The following NKX1-1 variants were observed in gnomAD, a reference collection of about 807,000 sequenced individuals.
The protein encoded by NKX1-1 is NK1 homeobox 1, also known as NK1 transcription factor-related protein 1.
In NKX1-1, 7 loss-of-function variants were observed where a neutral mutation model predicts 1.7. The ratio of observed to expected loss-of-function variants is 4.22; its 90% CI spans 2.40 to 7.92. NKX1-1 has a LOEUF of 7.92. Among genes scored for constraint, NKX1-1 ranks in the 30% most tolerant of loss-of-function variants. NKX1-1 has a pLI of 0.00. For missense variants in NKX1-1, 453 were observed against 171.5 expected, an observed-to-expected ratio of 2.64 and a Z score of -9.17; for synonymous variants, 242 against 85.3, an observed-to-expected ratio of 2.84 and a Z score of -10.13.
chr4:1,406,426 G>A lies in NKX1-1; in HGVS notation c.17C>T (p.Pro6Leu), dbSNP rs1398551313. 17 of 342,396 alleles carry A rather than the reference G, an allele frequency of 5.0e-5. No homozygotes were observed. The highest frequency in any genetic ancestry group is 7.9e-5 in the Non-Finnish European group (15 of 190,340). The allele number at this position is 342,396 out of a possible 1,614,324, so 21.2% of individuals were successfully genotyped here. ...CGCGGGAATGTCCCCAGGAGCCTCGGGGCCGCTAGCGCTCATGCCGGCCTC... is the reference window on the plus strand; with the variant it reads ...CGCGGGAATGTCCCCAGGAGCCTCGAGGCCGCTAGCGCTCATGCCGGCCTC... MSASG[P>L]EAPGDIPALP... The change falls in exon 1 of 2, where the codon CCC becomes CTC. Residue 6 changes from proline to leucine, a missense_variant. Coordinates refer to ENST00000422806, the MANE Select transcript of NKX1-1 (RefSeq NM_001290079.1).
At position 1,403,010 on chromosome 4, in the gene NKX1-1, C is replaced by T. The variant is rs983293000; in HGVS notation, c.1269G>A (p.Ser423=). ...CGAAGGGCGAGAGCACCGCCGGGCT[C>T]GACAGGAACGGCAGCTGCGCGGCGC... is the stretch of plus-strand genomic sequence containing the variant. ...LVCAAQLPFL[S]SPAVLSPFVL... is the part of the protein sequence containing the mutation. Residue 423 remains serine, a synonymous_variant, in exon 2 of 2, where the codon TCG becomes TCA. Coordinates refer to ENST00000422806, the MANE Select transcript of NKX1-1 (RefSeq NM_001290079.1). 1.3e-5 allele frequency: 8 copies of T among 635,174 alleles called. No individual in the cohort carries two copies. The African/African-American group carries it at 1.5e-4, about 12-fold the overall frequency. 39.3% of individuals were successfully genotyped at this position (635,174 alleles called of 1,614,324 possible). A position where few individuals can be genotyped will look rare whatever the true frequency, so the allele number is the denominator to read the frequency against.
chr4:1,403,714 C>A lies in NKX1-1; in HGVS notation c.565G>T (p.Glu189Ter). ...GHSPSADSGD[E>*]VPDDEDDDED... ...TCGTCGTCCTCGTCGTCGGGAACCT[C>A]GTCCCCGCTGTCCGCGCTCGGGCTG... The change falls in exon 2 of 2, where the codon GAG becomes TAG. Residue 189 changes from glutamate to a stop codon, truncating the protein, a stop_gained. Coordinates refer to ENST00000422806, the MANE Select transcript of NKX1-1 (RefSeq NM_001290079.1). LOFTEE classifies it low-confidence loss of function (END_TRUNC). The A allele has an allele frequency of 4.4e-6, 3 of 689,210 alleles. No homozygotes were observed. The highest frequency in any genetic ancestry group is 7.8e-6 in the Non-Finnish European group (3 of 382,504). 42.7% of individuals were successfully genotyped at this position (689,210 alleles called of 1,614,324 possible).
Position 1,406,295 on chromosome 4 carries a change from C to A in NKX1-1, c.148G>T (p.Ala50Ser). The A allele has an allele frequency of 2.5e-6, 1 of 404,802 alleles. No individual in the cohort carries two copies. The highest frequency in any genetic ancestry group is 4.3e-6 in the Non-Finnish European group (1 of 231,992). 25.1% of individuals were successfully genotyped at this position (404,802 alleles called of 1,614,324 possible). A position where few individuals can be genotyped will look rare whatever the true frequency, so the allele number is the denominator to read the frequency against. The change falls in exon 1 of 2, where the codon GCT becomes TCT. Residue 50 changes from alanine (A) to serine (S), a missense_variant. Transcript: ENST00000422806. ...GRAELPAFPR[A>S]GAPPLAASDT... ...CTGGCCGCGAGCGGCGGGGCTCCAGCGCGGGGAAAGGCCGGCAGCTCGGCG... is the reference window on the plus strand; with the variant it reads ...CTGGCCGCGAGCGGCGGGGCTCCAGAGCGGGGAAAGGCCGGCAGCTCGGCG...
In NKX1-1 at chr4:1,406,138, A is replaced by G; in HGVS notation, c.305T>C (p.Leu102Pro). The change falls in exon 1 of 2, where the codon CTG (leucine) becomes CCG (proline). Residue 102 changes from leucine to proline, a missense_variant. Leu to Pro is a moderately conservative substitution (Grantham distance 98). Transcript: ENST00000422806. ...CGCAGCGGGAGCCACTGGGCCCAGC[A>G]GCACGCAACGACGCCTCCTGCTGTT... ...KFNSRRRRCV[L>P]LGPVAPAACA... 1.6e-6 allele frequency: 1 copy of G among 618,866 alleles called. No individual in the cohort carries two copies. Among genetic ancestry groups the G allele is most frequent in the Non-Finnish European group, 2.9e-6 (1 of 344,786 alleles). 38.3% of individuals were successfully genotyped at this position (618,866 alleles called of 1,614,324 possible).
At chr4:1,405,191 C>G (rs760886147) in intron 1 of NKX1-1, among the ~76,000 whole-genome samples, 1 of 152,188 alleles carries the variant, frequency 6.6e-6, no homozygotes, top group Non-Finnish European at 1.5e-5. Flanking sequence ...CGGCCCAGCC[C>G]GGTCCGCCCC....
At chr4:1,404,671 C>A (rs1720720596) in intron 1 of NKX1-1, among the ~76,000 whole-genome samples, 1 of 152,270 alleles carries the variant, frequency 6.6e-6, no homozygotes, top group African/African-American at 2.4e-5. Flanking sequence ...CTCTCCCAGG[C>A]AGGGTCGCCT....
chr4:1,403,805 G>T lies in NKX1-1; in HGVS notation c.474C>A (p.Asp158Glu). Residue 158 changes from aspartate to glutamate, a missense_variant, in exon 2 of 2, where the codon GAC becomes GAA. Asp to Glu is a conservative substitution (Grantham distance 45). Transcript: ENST00000422806. ...TCTCGGCCTCCCCTGCCTTGAAGGG[G>T]TCGCCGGCGTCTGCGGGAGGGAGGG... ...AAGAEPPNAG[D>E]PFKAGEAETN... 1.5e-6 allele frequency: 1 copy of T among 672,454 alleles called. No homozygotes were observed. The highest frequency in any genetic ancestry group is 1.5e-5 in the South Asian group (1 of 65,416). 41.7% of individuals were successfully genotyped at this position (672,454 alleles called of 1,614,324 possible). A position where few individuals can be genotyped will look rare whatever the true frequency, so the allele number is the denominator to read the frequency against.
rs1372597199 is a variant in NKX1-1, at chr4:1,403,502, T to C, written c.777A>G (p.Pro259=). ...PRENSPVAQG[P]PGGAAAPGGA... ...CCCCCGGCGCCGCTGCACCTCCCGG[T>C]GGGCCCTGGGCAACGGGCGAGTTCT... Residue 259 remains proline (P), a synonymous_variant, in exon 2 of 2, where the codon CCA becomes CCG. Transcript: ENST00000422806. 5 of 509,076 alleles carry C rather than the reference T, an allele frequency of 9.8e-6. No individual in the cohort carries two copies. The highest frequency in any genetic ancestry group is 1.7e-5 in the Non-Finnish European group (5 of 291,646). The allele number at this position is 509,076 out of a possible 1,614,324, so 31.5% of individuals were successfully genotyped here.
chr4:1,403,015 G>T lies in NKX1-1; in HGVS notation c.1264C>A (p.Leu422Met). ...GGCGAGAGCACCGCCGGGCTCGACA[G>T]GAACGGCAGCTGCGCGGCGCACACC... ...GLVCAAQLPF[L>M]SSPAVLSPFV... The change falls in exon 2 of 2, where the codon CTG becomes ATG. Residue 422 changes from leucine to methionine, a missense_variant. Transcript: ENST00000422806. 1 of 632,962 alleles carries T rather than the reference G, an allele frequency of 1.6e-6. No individual in the cohort carries two copies. The highest frequency in any genetic ancestry group is 2.8e-6 in the Non-Finnish European group (1 of 355,798). 39.2% of individuals were successfully genotyped at this position (632,962 alleles called of 1,614,324 possible).
Position 1,406,403 on chromosome 4 carries a change from C to T in NKX1-1, c.40G>A (p.Ala14Thr), listed in dbSNP as rs1294235353. ...CCTGGCTGGGGAGGCGGCGGTAGCG[C>T]GGGAATGTCCCCAGGAGCCTCGGGG... is the stretch of plus-strand genomic sequence containing the variant. ...SGPEAPGDIPALPPPPQPGSG... is the reference protein window; with the variant it reads ...SGPEAPGDIPTLPPPPQPGSG... The change falls in exon 1 of 2, where the codon GCG becomes ACG. Residue 14 changes from alanine to threonine, a missense_variant. Coordinates refer to ENST00000422806, the MANE Select transcript of NKX1-1 (RefSeq NM_001290079.1). 8.5e-6 allele frequency: 3 copies of T among 351,088 alleles called. No individual in the cohort carries two copies. The highest frequency in any genetic ancestry group is 4.3e-5 in the East Asian group (1 of 23,344). The allele number at this position is 351,088 out of a possible 1,614,324, so 21.7% of individuals were successfully genotyped here. A position where few individuals can be genotyped will look rare whatever the true frequency, so the allele number is the denominator to read the frequency against.
Position 1,403,917 on chromosome 4 carries a change from C to T in NKX1-1, c.464-102G>A, listed in dbSNP as rs188035909. 1.6e-3 allele frequency: 797 copies of T among 499,710 alleles called. 17 individuals carry two copies. The highest frequency in any genetic ancestry group is 0.015 in the South Asian group (520 of 35,394). The allele number at this position is 499,710 out of a possible 1,614,324, so 31.0% of individuals were successfully genotyped here. ...CGCTTCCTCCCCCAGGGTTCCCTCC[C>T]GCCCCCTGCTCAGCGCCTCCTGCTT... On this transcript the variant is annotated intron_variant, in intron 1 of 1. Coordinates refer to ENST00000422806, the MANE Select transcript of NKX1-1 (RefSeq NM_001290079.1).
chr4:1,406,140 C>T lies in NKX1-1; in HGVS notation c.303G>A (p.Val101=), dbSNP rs1041086375. 42 of 618,866 alleles carry T rather than the reference C, an allele frequency of 6.8e-5. No homozygotes were observed. Among genetic ancestry groups the T allele is most frequent in the Admixed American group, 1.3e-4 (5 of 38,080 alleles). 38.3% of individuals were successfully genotyped at this position (618,866 alleles called of 1,614,324 possible). A position where few individuals can be genotyped will look rare whatever the true frequency, so the allele number is the denominator to read the frequency against. ...NKFNSRRRRC[V]LLGPVAPAAC... is the part of the protein sequence containing the mutation. Reference sequence around the variant, plus strand: ...CAGCGGGAGCCACTGGGCCCAGCAGCACGCAACGACGCCTCCTGCTGTTGA... The same window carrying T: ...CAGCGGGAGCCACTGGGCCCAGCAGTACGCAACGACGCCTCCTGCTGTTGA... The change falls in exon 1 of 2, where the codon GTG becomes GTA. Residue 101 remains valine (V), a synonymous_variant. Transcript: ENST00000422806.
intron 1 of NKX1-1, 112 bp downstream of exon 1, chr4:1,405,868 G>C: frequency 5.0e-6 from 2 of 396,188 alleles, no homozygotes; most frequent in Non-Finnish European, 8.9e-6. Context: ...AACTTTCCAC[G>C]GAGCCTCGGC....
chr4:1,403,897 C>T, intron 1 of NKX1-1, 82 bp from the exon 2 acceptor site: 1 of 522,866 alleles, frequency 1.9e-6, no homozygotes, highest in Non-Finnish European at 3.4e-6. Context: ...CGCCCCGCTT[C>T]CTCCCCCAGG....
intron 1 of NKX1-1, among the ~76,000 whole-genome samples, chr4:1,405,446 G>C (rs766942821): frequency 1.3e-4 from 20 of 152,368 alleles, no homozygotes; most frequent in South Asian, 2.1e-4. Context: ...GACCGGGGGC[G>C]CGGGCCGCCC....
At chr4:1,404,747 G>T (rs1278434983) in intron 1 of NKX1-1, among the ~76,000 whole-genome samples, 2 of 152,248 alleles carry the variant, frequency 1.3e-5, no homozygotes, top group Non-Finnish European at 2.9e-5. Flanking sequence ...GAGCTGCCCA[G>T]CGGCAGCCGC....
At position 1,406,020 on chromosome 4, in the gene NKX1-1, G is replaced by C. The variant is rs559129939; in HGVS notation, c.423C>G (p.Ala141=). ...RAEELERRAL[A]GAGGVGAAGA... ...CGGCGGCTCCGACTCCCCCGGCGCC[G>C]GCGAGGGCGCGGCGCTCCAGCTCCT... Residue 141 remains alanine (A), a synonymous_variant, in exon 1 of 2, where the codon GCC becomes GCG. Transcript: ENST00000422806. 2 of 476,554 alleles carry C rather than the reference G, an allele frequency of 4.2e-6. No homozygotes were observed. Among genetic ancestry groups the C allele is most frequent in the East Asian group, 3.5e-5 (1 of 28,628 alleles). 29.5% of individuals were successfully genotyped at this position (476,554 alleles called of 1,614,324 possible).
Position 1,403,399 on chromosome 4 carries a change from C to G in NKX1-1, c.880G>C (p.Gly294Arg). 3.0e-6 allele frequency: 2 copies of G among 674,862 alleles called. No individual in the cohort carries two copies. Among genetic ancestry groups the G allele is most frequent in the Non-Finnish European group, 5.3e-6 (2 of 376,108 alleles). 41.8% of individuals were successfully genotyped at this position (674,862 alleles called of 1,614,324 possible). A position where few individuals can be genotyped will look rare whatever the true frequency, so the allele number is the denominator to read the frequency against. Residue 294 changes from glycine (G) to arginine (R), a missense_variant, in exon 2 of 2, where the codon GGG becomes CGG. By Grantham distance (125) the Gly-to-Arg change is moderately radical. Transcript: ENST00000422806. ...GCGGTGCGCGCTCGCCGCGGCTTCC[C>G]GGACTTGGAGTCGGACCCCGTGCGC... ...RKRTGSDSKS[G>R]KPRRARTAFT...
chr4:1,403,289 C>G lies in NKX1-1; in HGVS notation c.990G>C (p.Ala330=), dbSNP rs1184837980. 2.8e-6 allele frequency: 2 copies of G among 718,722 alleles called. No individual in the cohort carries two copies. The highest frequency in any genetic ancestry group is 2.0e-5 in the Admixed American group (1 of 51,208). 44.5% of individuals were successfully genotyped at this position (718,722 alleles called of 1,614,324 possible). A position where few individuals can be genotyped will look rare whatever the true frequency, so the allele number is the denominator to read the frequency against. The stretch of plus-strand genomic sequence containing the variant: ...GCGTCTCGGTGAGGCTGAGCGACAG[C>G]GCCAGGTTGAGGCGCTCGCACACCG... ...YLSVCERLNL[A]LSLSLTETQV... The change falls in exon 2 of 2, where the codon GCG becomes GCC. Residue 330 remains alanine, a synonymous_variant. Transcript: ENST00000422806.
Sources: allele counts gnomAD v4.1 joint callset (sites outside exome capture counted in the v4.1 genomes callset), GRCh38; gene constraint gnomAD v4.1.1; transcripts MANE v1.5; gene names NCBI Gene and HGNC (gene_info 2026-07-23, HGNC 2026-07-21).